Variants in WDHD1 observed in about 807,000 individuals in gnomAD.
WDHD1 encodes WD repeat and HMG-box DNA-binding protein 1.
In WDHD1, 111 loss-of-function variants were observed where a neutral mutation model predicts 135.4. The ratio of observed to expected loss-of-function variants is 0.82; its 90% confidence interval spans 0.70 to 0.96. The LOEUF (loss-of-function observed/expected upper bound fraction) is 0.96. WDHD1 is among the 40% of genes least tolerant of loss of function. The pLI, the probability that WDHD1 is intolerant of heterozygous loss-of-function variation, is 0.00. For synonymous variants in WDHD1, 434 were observed against 439.0 expected (o/e 0.99, Z 0.14); for missense variants, 1,351 against 1,336.3 (o/e 1.01, Z -0.17).
At chr14:54,983,860 TGTTAATAA>T (rs1566725956) in intron 15 of WDHD1, among the ~76,000 whole-genome samples, 1 of 152,144 alleles carries the variant, frequency 6.6e-6, no homozygotes, top group Non-Finnish European at 1.5e-5. Context: ...ATGAAGTTAA[TGTTAATAA>T]TACATTTTAT....
Position 55,026,637 on chromosome 14 carries a change from G to C in WDHD1, c.77+74C>G. 2.8e-6 allele frequency: 4 copies of C among 1,416,360 alleles called. No homozygotes were observed. In the South Asian group the frequency reaches 4.6e-5, roughly 16 times the overall value. The allele number at this position is 1,416,360 out of a possible 1,614,324, so 87.7% of individuals were successfully genotyped here. A position where few individuals can be genotyped will look rare whatever the true frequency, so the allele number is the denominator to read the frequency against. ...CTATCCGCATGAGTCATTTTTAGCTGACTGCACATATAAAGTTTAAGGATA... is the reference window on the plus strand; with the variant it reads ...CTATCCGCATGAGTCATTTTTAGCTCACTGCACATATAAAGTTTAAGGATA... On this transcript the variant is annotated intron_variant, in intron 2 of 25. Coordinates refer to ENST00000360586, the MANE Select transcript of WDHD1 (RefSeq NM_007086.4).
intron 4 of WDHD1, among the ~76,000 whole-genome samples, chr14:55,009,823 C>T (rs1489773533): frequency 1.3e-5 from 2 of 151,824 alleles, no homozygotes; most frequent in African/African-American, 4.8e-5. Context: ...TATTTCTTTC[C>T]TTTTTTTCTT....
intron 7 of WDHD1, 37 bp downstream of exon 7, chr14:55,007,243 A>G (rs750116018): frequency 2.0e-5 from 30 of 1,490,556 alleles, no homozygotes; most frequent in Non-Finnish European, 2.2e-5. Flanking sequence ...AAAAAAAAAA[A>G]AAAAAAGAAA....
At chr14:54,949,246 A>C (rs1393464536) in intron 24 of WDHD1, among the ~76,000 whole-genome samples, 1 of 152,150 alleles carries the variant, frequency 6.6e-6, no homozygotes, top group Non-Finnish European at 1.5e-5. Context: ...AGGAGCTAAA[A>C]ACCTTGAAAA....
At chr14:54,969,879 G>A (rs893779540) in intron 16 of WDHD1, among the ~76,000 whole-genome samples, 1 of 152,124 alleles carries the variant, frequency 6.6e-6, no homozygotes, top group Non-Finnish European at 1.5e-5. Flanking sequence ...CTCCTGGGAT[G>A]TAAGGTTGGT....
chr14:55,004,983 G>A (rs1566738400), intron 7 of WDHD1: 2 of 542,340 alleles, frequency 3.7e-6, no homozygotes, highest in Non-Finnish European at 7.3e-6. Flanking sequence ...AGGTTGAGGA[G>A]CACCGAACTC....
intron 3 of WDHD1, among the ~76,000 whole-genome samples, chr14:55,012,294 T>C (rs1274238679): frequency 6.6e-6 from 1 of 152,180 alleles, no homozygotes; most frequent in Non-Finnish European, 1.5e-5. Context: ...CGCCTGGGTT[T>C]GGAAAAAATA....
At position 55,000,883 on chromosome 14, in the gene WDHD1, T is replaced by C; in HGVS notation, c.800+3A>G. 1 of 1,545,844 alleles carries C rather than the reference T, an allele frequency of 6.5e-7. No individual in the cohort carries two copies. Reference sequence around the variant, plus strand: ...AAGAGACAAAAGATACACTAAATCATACCTTTCCATGCAGTCTTTGGTTTC... The same window carrying C: ...AAGAGACAAAAGATACACTAAATCACACCTTTCCATGCAGTCTTTGGTTTC... On this transcript the variant is annotated splice_donor_region_variant and intron_variant, in intron 9 of 25. Transcript: ENST00000360586.
chr14:54,991,102 A>G, intron 12 of WDHD1, 111 bp downstream of exon 12: 1 of 590,172 alleles, frequency 1.7e-6, no homozygotes. Flanking sequence ...AAAGTGCTCC[A>G]GGCTACTTAA....
At chr14:54,962,875 C>T (rs2041275497) in intron 19 of WDHD1, 22 bp from the exon 20 acceptor site, 1 of 1,610,700 alleles carries the variant, frequency 6.2e-7, no homozygotes. Context: ...TAATATTATT[C>T]AATAAAGAGC....
intron 10 of WDHD1, among the ~76,000 whole-genome samples, chr14:54,997,483 C>G (rs181105348): frequency 1.2e-4 from 18 of 152,196 alleles, no homozygotes; most frequent in Middle Eastern, 3.4e-3. Context: ...GTTTCTAAAT[C>G]CATACATTGA....
intron 7 of WDHD1, among the ~76,000 whole-genome samples, chr14:55,003,717 C>T (rs1456826830): frequency 1.3e-5 from 2 of 150,228 alleles, no homozygotes; most frequent in African/African-American, 5.0e-5. Context: ...GCGCACACCA[C>T]CACGCCTGGC....
intron 6 of WDHD1, 148 bp downstream of exon 6, chr14:55,008,168 T>C (rs905218107): frequency 3.0e-6 from 2 of 671,352 alleles, no homozygotes; most frequent in Non-Finnish European, 2.4e-6. Flanking sequence ...TAGAATACTG[T>C]GGACTTTGAT....
chr14:54,982,823 A>G (rs1257719330), intron 15 of WDHD1, among the ~76,000 whole-genome samples: 2 of 152,242 alleles, frequency 1.3e-5, no homozygotes, highest in Non-Finnish European at 2.9e-5. Flanking sequence ...CTCCAAAAAG[A>G]GAAATATTTA....
chr14:54,991,248 C>T lies in WDHD1; in HGVS notation c.1306G>A (p.Gly436Ser). 1 of 1,611,026 alleles carries T rather than the reference C, an allele frequency of 6.2e-7. No individual in the cohort carries two copies. Among genetic ancestry groups the T allele is most frequent in the Non-Finnish European group, 8.5e-7 (1 of 1,177,334 alleles). The change falls in exon 12 of 26, where the codon GGT becomes AGT. Residue 436 changes from glycine (G) to serine (S), a missense_variant. By Grantham distance (56) the Gly-to-Ser change is moderately conservative. Transcript: ENST00000360586. ...PTPRQKPFQS[G>S]STPLHLTHRF... is the part of the protein sequence containing the mutation. The stretch of plus-strand genomic sequence containing the variant: ...TGAGTGAGATGCAACGGTGTAGAAC[C>T]TGACTGAAATGGCTTTTGCCGGGGA...
At chr14:55,014,563 A>C (rs1487371760) in intron 2 of WDHD1, among the ~76,000 whole-genome samples, 2 of 152,222 alleles carry the variant, frequency 1.3e-5, no homozygotes, top group Admixed American at 6.5e-5. Context: ...GTATGAGCTC[A>C]ACTATCCAAA....
intron 24 of WDHD1, among the ~76,000 whole-genome samples, chr14:54,949,035 A>G (rs1327196301): frequency 6.6e-6 from 1 of 152,180 alleles, no homozygotes; most frequent in Non-Finnish European, 1.5e-5. Flanking sequence ...GATAGATGAA[A>G]CCATAAAGAT....
intron 24 of WDHD1, among the ~76,000 whole-genome samples, chr14:54,946,344 C>T (rs575955307): frequency 5.3e-5 from 8 of 152,298 alleles, no homozygotes; most frequent in Admixed American, 2.6e-4. Context: ...GCACAGCCAC[C>T]TGGCTAAAAC....
chr14:54,942,491 T>C (rs2040856148), intron 25 of WDHD1, among the ~76,000 whole-genome samples: 1 of 152,120 alleles, frequency 6.6e-6, no homozygotes, highest in African/African-American at 2.4e-5. Context: ...GTATTTACTT[T>C]TATTGTGGGT....
Sources: gnomAD v4.1 joint callset for allele counts (sites outside exome capture counted in the v4.1 genomes callset) on GRCh38, gnomAD v4.1.1 for gene constraint, MANE v1.5 for transcripts, NCBI Gene and HGNC (gene_info 2026-07-23, HGNC 2026-07-21) for gene names.